Variants in TGM2 observed in about 807,000 individuals in gnomAD.
TGM2 encodes protein-glutamine gamma-glutamyltransferase 2.
A neutral mutation model predicts 75.6 loss-of-function variants in TGM2; 53 were observed. The observed-to-expected ratio is 0.70, with a 90% CI of 0.56 to 0.88. TGM2 has a LOEUF of 0.88. Among genes scored for constraint, TGM2 ranks in the 40% least tolerant of loss-of-function variants. The pLI is 0.00. For synonymous variants in TGM2, 374 were observed against 381.1 expected (o/e 0.98, Z 0.22); for missense variants, 842 against 928.5 (o/e 0.91, Z 1.21).
At chr20:38,133,378 T>TG in intron 10 of TGM2, 1 of 161,396 alleles carries the variant, frequency 6.2e-6, no homozygotes, top group Non-Finnish European at 1.4e-5. Context: ...TGTTCCCAGA[T>TG]CTTATCACCT....
chr20:38,132,180 A>G (rs1207210930), intron 11 of TGM2, among the ~76,000 whole-genome samples, 160 bp downstream of exon 11: 1 of 152,076 alleles, frequency 6.6e-6, no homozygotes, highest in Non-Finnish European at 1.5e-5. Context: ...TCTAGGCTTC[A>G]TGATGCTTTT....
At chr20:38,139,300 C>T (rs2074939182) in intron 9 of TGM2, 112 bp downstream of exon 9, 1 of 1,495,900 alleles carries the variant, frequency 6.7e-7, no homozygotes, top group East Asian at 2.3e-5. Flanking sequence ...GGGGCCATTG[C>T]TGTACGTAGG....
At chr20:38,148,927 C>T (rs1342793432) in intron 4 of TGM2, among the ~76,000 whole-genome samples, 4 of 152,198 alleles carry the variant, frequency 2.6e-5, no homozygotes, top group African/African-American at 4.8e-5. Flanking sequence ...CTTCTGTGGT[C>T]CTTTCCTGGG....
intron 5 of TGM2, 137 bp downstream of exon 5, chr20:38,147,824 A>G (rs2075063310): frequency 7.9e-7 from 1 of 1,271,756 alleles, no homozygotes; most frequent in East Asian, 2.5e-5. Context: ...TATCTTTCCA[A>G]TATAAGGTCT....
At chr20:38,143,523 C>T (rs1406642948) in intron 6 of TGM2, among the ~76,000 whole-genome samples, 1 of 152,194 alleles carries the variant, frequency 6.6e-6, no homozygotes, top group Non-Finnish European at 1.5e-5. Context: ...TAAACAGCAA[C>T]AGGACATTGA....
chr20:38,130,404 C>G, intron 12 of TGM2, 35 bp from the exon 13 acceptor site: 13 of 1,561,422 alleles, frequency 8.3e-6, no homozygotes, highest in Non-Finnish European at 9.5e-6. Context: ...GGAAAGGGGC[C>G]CAAGGCCTGG....
chr20:38,155,770 C>T, intron 3 of TGM2, 77 bp downstream of exon 3: 5 of 1,520,816 alleles, frequency 3.3e-6, no homozygotes, highest in Non-Finnish European at 4.4e-6. Context: ...CTGTTCTTCT[C>T]ACCTCCAGTA....
In TGM2 at chr20:38,136,990, C is replaced by T. The variant is rs45470691; in HGVS notation, c.1615+1123G>A. Among the ~76,000 whole-genome samples, 97 of 152,314 alleles carry T rather than the reference C, an allele frequency of 6.4e-4. 4 individuals carry two copies. The East Asian group carries it at 0.018, about 28-fold the overall frequency. Reference sequence around the variant, plus strand: ...GGGGCTGGGTTGGGTGGTCTAATGACACCATGTCACTGCGAAGGGGATCTG... The same window carrying T: ...GGGGCTGGGTTGGGTGGTCTAATGATACCATGTCACTGCGAAGGGGATCTG... On this transcript the variant is annotated intron_variant, in intron 10 of 12. Transcript: ENST00000361475.
chr20:38,164,702 CG>C (rs1438265643), intron 1 of TGM2, among the ~76,000 whole-genome samples: 1 of 152,156 alleles, frequency 6.6e-6, no homozygotes, highest in African/African-American at 2.4e-5. Flanking sequence ...GCCTGATTTC[CG>C]AAGGCTCCTG....
intron 6 of TGM2, chr20:38,145,212 T>C (rs1340941370): frequency 6.6e-6 from 1 of 152,036 alleles, no homozygotes; most frequent in East Asian, 1.9e-4. Context: ...AGCCTGCTGG[T>C]GTGGAGGATG....
rs1441570197 is a variant in TGM2 at position 38,131,229 on chromosome 20, T to A, written c.1777A>T (p.Ile593Phe). 3 of 1,613,468 alleles carry A rather than the reference T, an allele frequency of 1.9e-6. No individual in the cohort carries two copies. Among genetic ancestry groups the A allele is most frequent in the African/African-American group, 2.7e-5 (2 of 74,814 alleles). Residue 593 changes from isoleucine (I) to phenylalanine (F), a missense_variant and splice_region_variant, in exon 12 of 13, where the codon ATC (isoleucine) becomes TTC (phenylalanine). Transcript: ENST00000361475. ...YLENPEIKIRILGEPKQKRKL... is the reference protein window; with the variant it reads ...YLENPEIKIRFLGEPKQKRKL... ...CGTTTCTGCTTGGGCTCCCCAAGGA[T>A]CTGGAAGAGGGCATGGGGCAGATGT...
intron 3 of TGM2, among the ~76,000 whole-genome samples, chr20:38,153,160 C>G (rs6091945): frequency 6.6e-6 from 1 of 152,202 alleles, no homozygotes; most frequent in Non-Finnish European, 1.5e-5. Context: ...CAGGCACAAC[C>G]TCATGTCCAT....
At chr20:38,161,694 T>C in intron 1 of TGM2, 95 bp from the exon 2 acceptor site, 1 of 1,421,688 alleles carries the variant, frequency 7.0e-7, no homozygotes, top group Non-Finnish European at 9.9e-7. Context: ...CCTTGTGCCC[T>C]CTTACTCCCC....
At chr20:38,158,120 G>A (rs2075209729) in intron 2 of TGM2, among the ~76,000 whole-genome samples, 1 of 152,208 alleles carries the variant, frequency 6.6e-6, no homozygotes, top group Non-Finnish European at 1.5e-5. Flanking sequence ...TCAATGATCT[G>A]GTCTCTGTGG....
At position 38,138,354 on chromosome 20, in the gene TGM2, C is replaced by T. The variant is rs1421917570; in HGVS notation, c.1374G>A (p.Arg458=). 4 of 1,613,972 alleles carry T rather than the reference C, an allele frequency of 2.5e-6. No individual in the cohort carries two copies. The highest frequency in any genetic ancestry group is 3.4e-6 in the Non-Finnish European group (4 of 1,180,036). ...CGGCCAGTTTGTTCAGGTGGTTCGC[C>T]CTTGTGAAGGCCTCCCTCTCCTCTG... ...GSSEEREAFT[R]ANHLNKLAEK... The change falls in exon 10 of 13, where the codon AGG becomes AGA. Residue 458 remains arginine, a synonymous_variant. Transcript: ENST00000361475.
Position 38,131,088 on chromosome 20 carries a change from C to T in TGM2, c.1913+5G>A, listed in dbSNP as rs760956283. On this transcript the variant is annotated splice_donor_5th_base_variant and intron_variant, in intron 12 of 12. Coordinates refer to ENST00000361475, the MANE Select transcript of TGM2 (RefSeq NM_004613.4). The stretch of plus-strand genomic sequence containing the variant: ...GGCCCCAAAGCTAGAGCAGCCAGCA[C>T]TTACATCTCCACCGTCTTCTGCTCC... 6.2e-7 allele frequency: 1 copy of T among 1,611,904 alleles called. No homozygotes were observed. Among genetic ancestry groups the T allele is most frequent in the South Asian group, 1.1e-5 (1 of 91,080 alleles).
At chr20:38,131,043 G>A in intron 12 of TGM2, 50 bp downstream of exon 12, 2 of 1,606,454 alleles carry the variant, frequency 1.2e-6, no homozygotes, top group Non-Finnish European at 8.5e-7. Context: ...ACCCCCACCG[G>A]CATCTGCCCG....
intron 4 of TGM2, among the ~76,000 whole-genome samples, chr20:38,149,135 C>T (rs2075082661): frequency 6.6e-6 from 1 of 152,206 alleles, no homozygotes; most frequent in Admixed American, 6.5e-5. Flanking sequence ...CATAAACTTT[C>T]CAACCTCTGA....
At chr20:38,165,071 C>G in intron 1 of TGM2, 118 bp downstream of exon 1, 4 of 1,496,982 alleles carry the variant, frequency 2.7e-6, no homozygotes, top group Non-Finnish European at 3.7e-6. Flanking sequence ...GCCTCCTCAC[C>G]CAGCCCGGTC....
Sources: allele counts gnomAD v4.1 joint callset (sites outside exome capture counted in the v4.1 genomes callset), GRCh38; gene constraint gnomAD v4.1.1; transcripts MANE v1.5; gene names NCBI Gene and HGNC (gene_info 2026-07-23, HGNC 2026-07-21).